SDCCAG8: variants seen among roughly 807,000 people sequenced by gnomAD.
SDCCAG8 encodes the protein SHH signaling and ciliogenesis regulator SDCCAG8.
In SDCCAG8, 74 loss-of-function variants were observed where a neutral mutation model predicts 101.8. The ratio of observed to expected loss-of-function variants is 0.73; its 90% CI spans 0.60 to 0.88. SDCCAG8 has a LOEUF of 0.88. Among genes scored for constraint, SDCCAG8 ranks in the 40% least tolerant of loss-of-function variants. SDCCAG8 has a pLI of 0.00. For missense variants in SDCCAG8, 787 were observed against 822.6 expected (o/e 0.96, Z 0.53); for synonymous variants, 281 against 292.9 (o/e 0.96, Z 0.41).
chr1:243,383,214 A>G (rs4658562), intron 13 of SDCCAG8, among the ~76,000 whole-genome samples: 20,604 of 152,232 alleles, frequency 0.14, 1,675 homozygotes, highest in African/African-American at 0.22. Flanking sequence ...GAGTATTTTC[A>G]GGGGGCAGTA....
intron 1 of SDCCAG8, among the ~76,000 whole-genome samples, chr1:243,262,713 G>A (rs1470430253): frequency 2.0e-5 from 3 of 152,162 alleles, no homozygotes; most frequent in Non-Finnish European, 2.9e-5. Flanking sequence ...TCTCTCCTGG[G>A]ATGTTTAAAG....
intron 16 of SDCCAG8, chr1:243,476,335 T>A (rs1445727152): frequency 1.0e-6 from 1 of 985,372 alleles, no homozygotes; most frequent in Non-Finnish European, 1.2e-6. Context: ...ATTACTTGCA[T>A]TAAAACCTAA....
At chr1:243,330,957 A>G (rs1235385336) in intron 10 of SDCCAG8, among the ~76,000 whole-genome samples, 1 of 152,202 alleles carries the variant, frequency 6.6e-6, no homozygotes, top group Non-Finnish European at 1.5e-5. Flanking sequence ...AAATCCTGCC[A>G]TTCTGTTGGA....
chr1:243,341,880 T>G (rs976786926), intron 11 of SDCCAG8, among the ~76,000 whole-genome samples: 1 of 152,208 alleles, frequency 6.6e-6, no homozygotes, highest in African/African-American at 2.4e-5. Context: ...ATCAATTTAT[T>G]TTTTACCACT....
chr1:243,316,547 A>G (rs1235828496), intron 8 of SDCCAG8, among the ~76,000 whole-genome samples: 2 of 152,190 alleles, frequency 1.3e-5, no homozygotes, highest in Non-Finnish European at 2.9e-5. Flanking sequence ...CCGTCCTGCC[A>G]CGAAGGCTCT....
intron 16 of SDCCAG8, among the ~76,000 whole-genome samples, chr1:243,462,140 GC>G (rs1279991914): frequency 6.6e-6 from 1 of 152,198 alleles, no homozygotes. Flanking sequence ...GAAGGGGGCT[GC>G]AGGAAAGGTT....
chr1:243,340,987 A>G (rs2075352805), intron 10 of SDCCAG8, 52 bp from the exon 11 acceptor site: 1 of 1,570,164 alleles, frequency 6.4e-7, no homozygotes, highest in African/African-American at 1.4e-5. Flanking sequence ...AAGTTTTAGT[A>G]TTTGATTTGT....
At chr1:243,277,246 A>G (rs1200003299) in intron 4 of SDCCAG8, among the ~76,000 whole-genome samples, 1 of 152,210 alleles carries the variant, frequency 6.6e-6, no homozygotes, top group East Asian at 1.9e-4. Context: ...AAGTGGTTGT[A>G]CCGTTATGCA....
chr1:243,326,339 A>G (rs1444333703), intron 9 of SDCCAG8, among the ~76,000 whole-genome samples: 3 of 152,328 alleles, frequency 2.0e-5, no homozygotes, highest in African/African-American at 4.8e-5. Context: ...ATATTTACAA[A>G]GACTTTTTCT....
At chr1:243,484,019 A>G (rs572579431) in intron 16 of SDCCAG8, among the ~76,000 whole-genome samples, 231 of 152,288 alleles carry the variant, frequency 1.5e-3, no homozygotes, top group African/African-American at 5.3e-3. Flanking sequence ...CCACCCAGCT[A>G]GAGCTCCAGC....
intron 4 of SDCCAG8, among the ~76,000 whole-genome samples, chr1:243,277,184 A>G (rs2068647899): frequency 6.6e-6 from 1 of 152,234 alleles, no homozygotes; most frequent in Non-Finnish European, 1.5e-5. Flanking sequence ...CAATTTCTGC[A>G]TCATATGGTA....
intron 16 of SDCCAG8, among the ~76,000 whole-genome samples, chr1:243,478,974 A>G (rs1406669211): frequency 1.3e-5 from 2 of 151,644 alleles, no homozygotes; most frequent in Non-Finnish European, 2.9e-5. Context: ...AAAAAAAAAA[A>G]AAAGAAAGTG....
chr1:243,418,010 T>C lies in SDCCAG8; in HGVS notation c.1787T>C (p.Leu596Ser). 6.2e-7 allele frequency: 1 copy of C among 1,613,146 alleles called. No homozygotes were observed. Among genetic ancestry groups the C allele is most frequent in the Non-Finnish European group, 8.5e-7 (1 of 1,179,306 alleles). Reference protein sequence around the residue: ...YLLLTSQNTFLTKLKEECCTL... With the variant: ...YLLLTSQNTFSTKLKEECCTL... ...TTGCTGACCTCCCAGAATACATTTT[T>C]GACAAAGTTAAAGGAAGAATGCTGT... Residue 596 changes from leucine to serine, a missense_variant, in exon 15 of 18, where the codon TTG becomes TCG. Leu to Ser is a moderately radical substitution (Grantham distance 145, BLOSUM62 -2). Transcript: ENST00000366541.
intron 13 of SDCCAG8, among the ~76,000 whole-genome samples, chr1:243,379,882 G>A (rs994696404): frequency 2.0e-5 from 3 of 152,154 alleles, no homozygotes; most frequent in African/African-American, 4.8e-5. Context: ...TTCTGAGCAC[G>A]GTATGCTAAC....
chr1:243,343,328 G>T (rs78425903), intron 11 of SDCCAG8, among the ~76,000 whole-genome samples: 9,372 of 152,130 alleles, frequency 0.062, 346 homozygotes, highest in South Asian at 0.12. Flanking sequence ...TACATTAATT[G>T]AACTTTCTAT....
chr1:243,334,168 C>T (rs1214627136), intron 10 of SDCCAG8, among the ~76,000 whole-genome samples: 1 of 152,160 alleles, frequency 6.6e-6, no homozygotes, highest in Non-Finnish European at 1.5e-5. Context: ...GTCTCTCTAT[C>T]CTACTGCTAC....
At chr1:243,426,305 A>G (rs2081335443) in intron 15 of SDCCAG8, 122 bp from the exon 16 acceptor site, 1 of 837,970 alleles carries the variant, frequency 1.2e-6, no homozygotes, top group African/African-American at 1.7e-5. Flanking sequence ...CAAAGGATGT[A>G]GTTTTCATTA....
intron 17 of SDCCAG8, among the ~76,000 whole-genome samples, chr1:243,498,589 TCA>T (rs1462366653): frequency 6.6e-6 from 1 of 152,258 alleles, no homozygotes; most frequent in African/African-American, 2.4e-5. Context: ...TCAGGGTCTC[TCA>T]CACACTGGGA....
At chr1:243,344,358 G>T in intron 12 of SDCCAG8, 27 bp downstream of exon 12, 1 of 1,398,010 alleles carries the variant, frequency 7.2e-7, no homozygotes, top group Non-Finnish European at 1.0e-6. Context: ...CATAATTGCA[G>T]CAATTATAGA....
Sources: gnomAD v4.1 joint callset for allele counts (sites outside exome capture counted in the v4.1 genomes callset) on GRCh38, gnomAD v4.1.1 for gene constraint, MANE v1.5 for transcripts, NCBI Gene and HGNC (gene_info 2026-07-23, HGNC 2026-07-21) for gene names.